The following CLIP2 variants were observed in gnomAD, a reference collection of about 807,000 sequenced individuals.
The protein encoded by CLIP2 is CAP-Gly domain containing linker protein 2, also known as CAP-Gly domain-containing linker protein 2.
CLIP2 carries 41 observed loss-of-function variants against 111.7 expected under a neutral mutation model. The observed-to-expected ratio is 0.37, with a 90% confidence interval of 0.29 to 0.48. The LOEUF (loss-of-function observed/expected upper bound fraction) is 0.48, where lower values mean the gene tolerates loss of function less well. Ranked by LOEUF, CLIP2 falls within the 20% of genes least tolerant of loss-of-function variation. CLIP2 has a pLI of 0.99. For missense variants in CLIP2, 1,160 were observed against 1,422.1 expected, an observed-to-expected ratio of 0.82 and a Z score of 2.96; for synonymous variants, 660 against 644.2, an observed-to-expected ratio of 1.02 and a Z score of -0.37.
rs1157823110 is a variant in CLIP2, at chr7:74,353,751, C to T, written c.679-129C>T. 3.9e-6 allele frequency: 5 copies of T among 1,284,124 alleles called. No individual in the cohort carries two copies. The African/African-American group carries it at 7.3e-5, about 19-fold the overall frequency. 79.5% of individuals were successfully genotyped at this position (1,284,124 alleles called of 1,614,324 possible). ...AATCATCCTTAGGTGTCTCTCCCTCCCCACTCCTGGCTCCCGTGTCCTCTG... is the reference window on the plus strand; with the variant it reads ...AATCATCCTTAGGTGTCTCTCCCTCTCCACTCCTGGCTCCCGTGTCCTCTG... On this transcript the variant is annotated intron_variant, in intron 3 of 16. Transcript: ENST00000223398.
chr7:74,388,743 C>T (rs1791190798), intron 12 of CLIP2: 1 of 160,450 alleles, frequency 6.2e-6, no homozygotes, highest in African/African-American at 2.4e-5. Context: ...TGTAGTGAGC[C>T]AAGATCGTAC....
chr7:74,320,582 G>C (rs1554729887), intron 2 of CLIP2, among the ~76,000 whole-genome samples: 1 of 152,076 alleles, frequency 6.6e-6, no homozygotes, highest in Non-Finnish European at 1.5e-5. Context: ...AAGAGTGATG[G>C]GACCTTGTTC....
intron 2 of CLIP2, among the ~76,000 whole-genome samples, chr7:74,322,047 G>A (rs1429581993): frequency 1.4e-5 from 2 of 142,524 alleles, no homozygotes; most frequent in South Asian, 2.2e-4. Flanking sequence ...GTAGTGGCAC[G>A]ATCTCACGAT....
chr7:74,349,138 C>T (rs1452463927), intron 3 of CLIP2, among the ~76,000 whole-genome samples: 3 of 149,716 alleles, frequency 2.0e-5, no homozygotes, highest in Non-Finnish European at 4.4e-5. Flanking sequence ...GGCCACAAAA[C>T]GAATGAAGTA....
At chr7:74,367,469 C>T (rs922640737) in intron 8 of CLIP2, among the ~76,000 whole-genome samples, 12 of 152,310 alleles carry the variant, frequency 7.9e-5, no homozygotes, top group African/African-American at 1.9e-4. Flanking sequence ...GGATAACAGG[C>T]GTGAGCCACC....
rs185552770 is a variant in CLIP2, at chr7:74,400,976, C to A, written c.3066+421C>A. 3.0e-4 allele frequency among the ~76,000 whole-genome samples: 45 copies of A among 151,940 alleles called. No individual in the cohort carries two copies. The South Asian group carries it at 6.5e-3, about 22-fold the overall frequency. On this transcript the variant is annotated intron_variant, in intron 15 of 16. Transcript: ENST00000223398. ...AGTCTGAAGGGGGAGGCATTTCTGT[C>A]CTAGGAACCTTGATCTGAAGGGAGA...
At chr7:74,339,058 C>T in intron 3 of CLIP2, 54 bp downstream of exon 3, 4 of 1,522,130 alleles carry the variant, frequency 2.6e-6, no homozygotes, top group South Asian at 1.2e-5. Context: ...CTCCCCTGCT[C>T]CGCCCCACTT....
intron 5 of CLIP2, 53 bp from the exon 6 acceptor site, chr7:74,357,227 C>T: frequency 6.6e-7 from 1 of 1,526,174 alleles, no homozygotes; most frequent in Non-Finnish European, 9.1e-7. Flanking sequence ...AGCCAGTCTG[C>T]CCTGCAGTGC....
At chr7:74,402,337 A>G (rs1339904732) in intron 16 of CLIP2, among the ~76,000 whole-genome samples, 1 of 148,920 alleles carries the variant, frequency 6.7e-6, no homozygotes, top group Non-Finnish European at 1.5e-5. Context: ...CTCAAAAAAA[A>G]AAAAAACCAA....
At chr7:74,399,981 C>A (rs983585786) in intron 14 of CLIP2, among the ~76,000 whole-genome samples, 1 of 151,462 alleles carries the variant, frequency 6.6e-6, no homozygotes, top group Non-Finnish European at 1.5e-5. Flanking sequence ...GGTGAAACCA[C>A]GTCTCTACTA....
intron 2 of CLIP2, among the ~76,000 whole-genome samples, chr7:74,323,085 A>T (rs1350478964): frequency 3.1e-4 from 2 of 6,524 alleles, no homozygotes; most frequent in Admixed American, 4.8e-3. Flanking sequence ...GCTATGTTTT[A>T]TTTATTTATT....
At chr7:74,352,996 A>T (rs1373776030) in intron 3 of CLIP2, among the ~76,000 whole-genome samples, 1 of 151,606 alleles carries the variant, frequency 6.6e-6, no homozygotes, top group Non-Finnish European at 1.5e-5. Flanking sequence ...AAAATTTTTT[A>T]AAAACTTAGC....
chr7:74,360,201 G>T lies in CLIP2; in HGVS notation c.1242G>T (p.Leu414=), dbSNP rs1554309445. 1 of 1,607,404 alleles carries T rather than the reference G, an allele frequency of 6.2e-7. No individual in the cohort carries two copies. Among genetic ancestry groups the T allele is most frequent in the Admixed American group, 1.7e-5 (1 of 59,054 alleles). Residue 414 remains leucine (L), a synonymous_variant, in exon 7 of 17, where the codon CTG becomes CTT. Transcript: ENST00000223398. ...EQYVAEAEEK[L]QRARLLVESV... ...ATGTTGCAGAAGCCGAGGAGAAGCT[G>T]CAGCGAGCCCGGCTGCTCGTGGAGA...
chr7:74,371,167 C>A (rs970579097), intron 8 of CLIP2, among the ~76,000 whole-genome samples: 1 of 143,904 alleles, frequency 6.9e-6, no homozygotes, highest in African/African-American at 2.5e-5. Flanking sequence ...TTGCTTGAAC[C>A]TGGGAGGTGG....
Position 74,354,962 on chromosome 7 carries a change from G to A in CLIP2, c.803+958G>A, listed in dbSNP as rs529527476. On this transcript the variant is annotated intron_variant, in intron 4 of 16. Transcript: ENST00000223398. ...TGATGAAAAGGAATTGACTGCTGGC[G>A]TTGCTGGGTTAGGAGGGTCTAAGGC... Among the ~76,000 whole-genome samples, 10 of 152,210 alleles carry A rather than the reference G, an allele frequency of 6.6e-5. No homozygotes were observed. The East Asian group carries it at 7.7e-4, about 12-fold the overall frequency.
chr7:74,372,268 G>C (rs1790647810), intron 8 of CLIP2, among the ~76,000 whole-genome samples: 1 of 152,062 alleles, frequency 6.6e-6, no homozygotes, highest in African/African-American at 2.4e-5. Flanking sequence ...GGGGTGGGCA[G>C]CAATGGGGCC....
intron 3 of CLIP2, among the ~76,000 whole-genome samples, chr7:74,342,877 T>C (rs2116571052): frequency 6.6e-6 from 1 of 151,768 alleles, no homozygotes; most frequent in East Asian, 1.9e-4. Context: ...CTACTAAAAA[T>C]ACAAAAAATT....
chr7:74,374,928 TTCTGCTTTAA>T (rs1433621948), intron 9 of CLIP2, among the ~76,000 whole-genome samples: 1 of 152,206 alleles, frequency 6.6e-6, no homozygotes, highest in Non-Finnish European at 1.5e-5. Context: ...GAGCACCCTC[TTCTGCTTTAA>T]GCATTAAACT....
intron 1 of CLIP2, among the ~76,000 whole-genome samples, chr7:74,302,979 C>T (rs1389456996): frequency 1.3e-5 from 2 of 152,314 alleles, no homozygotes; most frequent in Non-Finnish European, 2.9e-5. Context: ...GTTGCCTGCA[C>T]AGCTGGGGCT....
Sources: allele counts gnomAD v4.1 joint callset (sites outside exome capture counted in the v4.1 genomes callset), GRCh38; gene constraint gnomAD v4.1.1; transcripts MANE v1.5; gene names NCBI Gene and HGNC (gene_info 2026-07-23, HGNC 2026-07-21).